The following INSC variants were observed in gnomAD, a reference collection of about 807,000 sequenced individuals.
INSC encodes the protein INSC spindle orientation adaptor protein.
In INSC, 67 loss-of-function variants were observed where a neutral mutation model predicts 58.6. The ratio of observed to expected loss-of-function variants is 1.14; its 90% CI spans 0.94 to 1.40. The LOEUF is 1.40. Among genes scored for constraint, INSC ranks in the 40% most tolerant of loss-of-function variants. INSC has a pLI of 0.00. For synonymous variants in INSC, 262 were observed against 276.1 expected (o/e 0.95, Z 0.51); for missense variants, 714 against 692.0 (o/e 1.03, Z -0.36).
At chr11:15,260,210 T>G in the INSC span, among the ~76,000 whole-genome samples, 1 of 152,018 alleles carries the variant, frequency 6.6e-6, no homozygotes, top group African/African-American at 2.4e-5. Flanking sequence ...TGAAGGCAAG[T>G]TTCCAACCAG....
At chr11:15,150,964 T>C (rs546936343) in intron 2 of INSC, among the ~76,000 whole-genome samples, 2 of 152,238 alleles carry the variant, frequency 1.3e-5, no homozygotes, top group East Asian at 3.9e-4. Context: ...TTCTTCAACA[T>C]AGTGGCAGTG....
chr11:15,182,843 G>A (rs866639447), intron 5 of INSC, among the ~76,000 whole-genome samples: 2 of 151,934 alleles, frequency 1.3e-5, no homozygotes, highest in African/African-American at 4.8e-5. Flanking sequence ...AATTCACTGA[G>A]TTTTTTATAG....
intron 2 of INSC, among the ~76,000 whole-genome samples, chr11:15,158,011 A>C (rs1848876838): frequency 6.6e-6 from 1 of 152,104 alleles, no homozygotes; most frequent in Admixed American, 6.5e-5. Flanking sequence ...AGGGGAGTCA[A>C]CTTCGATTCT....
At chr11:15,269,353 C>T in the INSC span, among the ~76,000 whole-genome samples, 2 of 151,920 alleles carry the variant, frequency 1.3e-5, no homozygotes, top group African/African-American at 4.8e-5. Context: ...TTTTGAGATA[C>T]TATTGCCTCT....
intron 7 of INSC, among the ~76,000 whole-genome samples, chr11:15,215,862 G>A (rs919691327): frequency 1.3e-5 from 2 of 152,164 alleles, no homozygotes; most frequent in African/African-American, 2.4e-5. Context: ...CACAGAGGAA[G>A]TGACATCTGA....
At chr11:15,190,663 G>C in intron 5 of INSC, 38 bp from the exon 6 acceptor site, 1 of 1,388,086 alleles carries the variant, frequency 7.2e-7, no homozygotes, top group Middle Eastern at 1.8e-4. Flanking sequence ...GGTAGAGGTG[G>C]TGAGTAACTA....
At chr11:15,126,334 C>G (rs1847994250) in intron 1 of INSC, among the ~76,000 whole-genome samples, 1 of 152,278 alleles carries the variant, frequency 6.6e-6, no homozygotes, top group South Asian at 2.1e-4. Context: ...CTAACACAAA[C>G]AGCAGGATAT....
chr11:15,220,549 A>C (rs1851398679), intron 7 of INSC, among the ~76,000 whole-genome samples: 1 of 152,206 alleles, frequency 6.6e-6, no homozygotes, highest in African/African-American at 2.4e-5. Flanking sequence ...AGACCATTTG[A>C]GTTTGAATAC....
intron 2 of INSC, among the ~76,000 whole-genome samples, chr11:15,167,489 C>G (rs1466940325): frequency 6.6e-6 from 1 of 152,068 alleles, no homozygotes; most frequent in African/African-American, 2.4e-5. Context: ...GAGAAAGGGT[C>G]TCACTTTGTC....
At chr11:15,253,551 T>C in the INSC span, among the ~76,000 whole-genome samples, 4 of 151,926 alleles carry the variant, frequency 2.6e-5, no homozygotes, top group African/African-American at 9.7e-5. Context: ...TAAAGGAAAC[T>C]TTATTAACAA....
intron 7 of INSC, among the ~76,000 whole-genome samples, chr11:15,217,436 G>A (rs930465513): frequency 4.6e-5 from 7 of 152,118 alleles, no homozygotes; most frequent in African/African-American, 1.4e-4. Context: ...GCTAGTAAAG[G>A]ATAGAGGCAG....
chr11:15,122,635 C>T (rs1446217856), intron 1 of INSC, among the ~76,000 whole-genome samples: 1 of 152,186 alleles, frequency 6.6e-6, no homozygotes, highest in Non-Finnish European at 1.5e-5. Context: ...CAACACCTCT[C>T]TCCCTCAAAA....
In INSC at chr11:15,190,691, C is replaced by T; in HGVS notation, c.580-10C>T. On this transcript the variant is annotated splice_polypyrimidine_tract_variant and intron_variant, in intron 5 of 12. Transcript: ENST00000379556. ...AGTAACTACTAGCTAACTTTTCTCT[C>T]TCTTCTTAGGCACTGGTGAGAAAAA... is the stretch of plus-strand genomic sequence containing the variant. The T allele has an allele frequency of 6.2e-7, 1 of 1,600,412 alleles. No homozygotes were observed. Among genetic ancestry groups the T allele is most frequent in the Non-Finnish European group, 8.6e-7 (1 of 1,167,530 alleles).
chr11:15,162,496 G>A (rs1166125393), intron 2 of INSC, among the ~76,000 whole-genome samples: 4 of 152,258 alleles, frequency 2.6e-5, no homozygotes, highest in South Asian at 2.1e-4. Context: ...TCCACTTGAC[G>A]ATTGTGGTAC....
chr11:15,163,984 C>G (rs144304120), intron 2 of INSC, among the ~76,000 whole-genome samples: 13 of 152,060 alleles, frequency 8.5e-5, no homozygotes, highest in Non-Finnish European at 1.5e-5. Flanking sequence ...TCTTGTTTAG[C>G]CTTTGTTTCT....
At chr11:15,191,353 A>G (rs1447117580) in intron 6 of INSC, among the ~76,000 whole-genome samples, 2 of 152,092 alleles carry the variant, frequency 1.3e-5, no homozygotes, top group Non-Finnish European at 2.9e-5. Context: ...TGGTGCCCCC[A>G]GAGCCTCTAT....
At chr11:15,126,157 TA>T (rs1251225524) in intron 1 of INSC, among the ~76,000 whole-genome samples, 1 of 152,150 alleles carries the variant, frequency 6.6e-6, no homozygotes, top group East Asian at 1.9e-4. Context: ...AGCTGTGTTT[TA>T]AGAGGCTGAA....
intron 9 of INSC, 143 bp downstream of exon 9, chr11:15,225,971 A>G: frequency 2.6e-6 from 2 of 771,180 alleles, no homozygotes; most frequent in Non-Finnish European, 4.1e-6. Context: ...AATATTCTCC[A>G]CGTTTCTCAT....
At chr11:15,182,493 T>C (rs1011161565) in intron 5 of INSC, among the ~76,000 whole-genome samples, 1 of 152,254 alleles carries the variant, frequency 6.6e-6, no homozygotes, top group Non-Finnish European at 1.5e-5. Flanking sequence ...TCCTTTCTCA[T>C]TGACGGGCAT....
Sources: allele counts gnomAD v4.1 joint callset (sites outside exome capture counted in the v4.1 genomes callset), GRCh38; gene constraint gnomAD v4.1.1; transcripts MANE v1.5; gene names NCBI Gene and HGNC (gene_info 2026-07-23, HGNC 2026-07-21).